Variants in GRID1 observed in about 807,000 individuals in gnomAD.
GRID1 encodes the protein glutamate receptor ionotropic, delta-1.
A neutral mutation model predicts 98.0 loss-of-function variants in GRID1; 28 were observed. That is an observed-to-expected ratio of 0.29 (90% CI 0.21 to 0.39). The LOEUF (loss-of-function observed/expected upper bound fraction) is 0.39. Among genes scored for constraint, GRID1 ranks in the 10% least tolerant of loss-of-function variants. The pLI is 1.00. For synonymous variants in GRID1, 553 were observed against 538.5 expected, an observed-to-expected ratio of 1.03 and a Z score of -0.37; for missense variants, 1,111 against 1,340.5, an observed-to-expected ratio of 0.83 and a Z score of 2.67.
At chr10:85,846,790 C>G (rs1444800297) in intron 8 of GRID1, among the ~76,000 whole-genome samples, 5 of 152,062 alleles carry the variant, frequency 3.3e-5, no homozygotes, top group African/African-American at 1.2e-4. Context: ...TTGAAAATTC[C>G]AGTGAACTGC....
intron 12 of GRID1, among the ~76,000 whole-genome samples, chr10:85,710,665 G>A (rs1199339906): frequency 2.6e-5 from 4 of 152,026 alleles, no homozygotes; most frequent in African/African-American, 9.7e-5. Context: ...TCAGCAGAGT[G>A]AAAAGGCAAC....
intron 8 of GRID1, among the ~76,000 whole-genome samples, chr10:85,737,247 A>C (rs983436423): frequency 6.6e-6 from 1 of 152,188 alleles, no homozygotes; most frequent in Non-Finnish European, 1.5e-5. Context: ...TCCAGAGGAC[A>C]GAGCTGTAAG....
chr10:86,073,789 G>A (rs1218411516), intron 4 of GRID1, among the ~76,000 whole-genome samples: 1 of 152,232 alleles, frequency 6.6e-6, no homozygotes, highest in African/African-American at 2.4e-5. Context: ...GGACACAACA[G>A]AGGGTCAAAA....
At chr10:85,617,439 G>T (rs955309712) in intron 14 of GRID1, among the ~76,000 whole-genome samples, 2 of 152,132 alleles carry the variant, frequency 1.3e-5, no homozygotes, top group Admixed American at 1.3e-4. Context: ...TTGCTATGTT[G>T]GTCTGGCTGG....
chr10:86,314,483 G>A (rs1217023941), intron 2 of GRID1, among the ~76,000 whole-genome samples: 2 of 152,252 alleles, frequency 1.3e-5, no homozygotes, highest in Non-Finnish European at 2.9e-5. Context: ...TGCTTACAGA[G>A]CCTGGCCTGG....
chr10:86,214,539 C>T (rs1447222726), intron 2 of GRID1, among the ~76,000 whole-genome samples: 1 of 152,200 alleles, frequency 6.6e-6, no homozygotes, highest in South Asian at 2.1e-4. Flanking sequence ...TTACCCGCCC[C>T]CCTGACCCCC....
At chr10:86,158,327 C>T (rs1845273980) in intron 3 of GRID1, among the ~76,000 whole-genome samples, 1 of 152,238 alleles carries the variant, frequency 6.6e-6, no homozygotes, top group Non-Finnish European at 1.5e-5. Context: ...ATCTCCATTA[C>T]AGGGCTATTG....
intron 2 of GRID1, among the ~76,000 whole-genome samples, chr10:86,237,408 A>G (rs1479138733): frequency 6.6e-6 from 1 of 152,202 alleles, no homozygotes; most frequent in African/African-American, 2.4e-5. Flanking sequence ...GTTTAAAAGC[A>G]TGTAGCACCT....
intron 2 of GRID1, among the ~76,000 whole-genome samples, chr10:86,235,753 A>C (rs780770274): frequency 6.6e-5 from 10 of 152,214 alleles, no homozygotes; most frequent in Non-Finnish European, 1.5e-4. Context: ...GTAGTATTCC[A>C]CTGAATAGGA....
intron 4 of GRID1, among the ~76,000 whole-genome samples, chr10:86,008,595 C>A (rs1230877474): frequency 2.0e-5 from 3 of 152,004 alleles, no homozygotes; most frequent in Non-Finnish European, 4.4e-5. Flanking sequence ...AGCAAAGACA[C>A]AAATGGTCTT....
intron 2 of GRID1, among the ~76,000 whole-genome samples, chr10:86,347,348 C>T (rs886256089): frequency 1.3e-5 from 2 of 152,190 alleles, no homozygotes; most frequent in African/African-American, 2.4e-5. Context: ...AGTGACCCCA[C>T]CCCCATCTAC....
chr10:86,063,321 G>T (rs368405033), intron 4 of GRID1, among the ~76,000 whole-genome samples: 8 of 152,194 alleles, frequency 5.3e-5, no homozygotes, highest in Non-Finnish European at 7.3e-5. Context: ...TACGCCAGCC[G>T]CTGGGAAGCA....
chr10:86,263,420 C>T (rs1847051073), intron 2 of GRID1, among the ~76,000 whole-genome samples: 1 of 152,200 alleles, frequency 6.6e-6, no homozygotes, highest in African/African-American at 2.4e-5. Flanking sequence ...AATCCAGGCC[C>T]AACGGGACGG....
chr10:85,878,406 A>C (rs1334644677), intron 5 of GRID1, among the ~76,000 whole-genome samples: 1 of 152,246 alleles, frequency 6.6e-6, no homozygotes, highest in Non-Finnish European at 1.5e-5. Flanking sequence ...AGCCCATCAG[A>C]CTAACAGCAG....
chr10:85,783,437 C>T (rs1304579358), intron 8 of GRID1, among the ~76,000 whole-genome samples: 1 of 152,112 alleles, frequency 6.6e-6, no homozygotes, highest in Non-Finnish European at 1.5e-5. Context: ...TAATCCTCAC[C>T]GAATGGAGTT....
chr10:85,753,151 T>A (rs572608837), intron 8 of GRID1, among the ~76,000 whole-genome samples: 1 of 152,350 alleles, frequency 6.6e-6, no homozygotes, highest in African/African-American at 2.4e-5. Flanking sequence ...TTACACTATG[T>A]CATCTGATTT....
chr10:85,780,770 G>A (rs918022898), intron 8 of GRID1, among the ~76,000 whole-genome samples: 1 of 152,240 alleles, frequency 6.6e-6, no homozygotes, highest in African/African-American at 2.4e-5. Context: ...GTAAAATGGG[G>A]TCAATATCAA....
chr10:85,802,818 C>T (rs1281737588), intron 8 of GRID1, among the ~76,000 whole-genome samples: 1 of 145,380 alleles, frequency 6.9e-6, no homozygotes. Context: ...CACCAGAACT[C>T]CAAGCATCCA....
chr10:86,178,470 T>A (rs941900526), intron 3 of GRID1, among the ~76,000 whole-genome samples: 1 of 152,064 alleles, frequency 6.6e-6, no homozygotes, highest in African/African-American at 2.4e-5. Flanking sequence ...TGCTGGGTTA[T>A]TAGTGAGGAC....
Sources: allele counts gnomAD v4.1 joint callset (sites outside exome capture counted in the v4.1 genomes callset), GRCh38; gene constraint gnomAD v4.1.1; transcripts MANE v1.5; gene names NCBI Gene and HGNC (gene_info 2026-07-23, HGNC 2026-07-21).